The following CNGB1 variants were observed in gnomAD, a reference collection of about 807,000 sequenced individuals.
The protein encoded by CNGB1 is cyclic nucleotide gated channel subunit beta 1.
Under a neutral mutation model 151.7 loss-of-function variants are expected in CNGB1, and 126 were observed. That is an observed-to-expected ratio of 0.83 (90% CI 0.72 to 0.96). The LOEUF (loss-of-function observed/expected upper bound fraction) is 0.96. Among genes scored for constraint, CNGB1 ranks in the 40% least tolerant of loss-of-function variants. The probability of loss-of-function intolerance (pLI) is 0.00; values close to 1 mark genes in which losing one functional copy is unlikely to be tolerated. For missense variants in CNGB1, 1,698 were observed against 1,627.0 expected (o/e 1.04, Z -0.75); for synonymous variants, 623 against 635.1 (o/e 0.98, Z 0.29).
chr16:57,949,598 G>A (rs889378766), intron 13 of CNGB1, among the ~76,000 whole-genome samples, 159 bp from the exon 14 acceptor site: 17 of 152,248 alleles, frequency 1.1e-4, no homozygotes, highest in Non-Finnish European at 2.2e-4. Flanking sequence ...GAGCAACCCT[G>A]AACTCTCTCT....
chr16:57,936,665 G>A (rs1248530152), intron 16 of CNGB1, among the ~76,000 whole-genome samples: 2 of 152,120 alleles, frequency 1.3e-5, no homozygotes, highest in Non-Finnish European at 2.9e-5. Flanking sequence ...GATGGCGTAT[G>A]CCTGTAATCC....
chr16:57,908,228 C>A (rs7198229), intron 25 of CNGB1, among the ~76,000 whole-genome samples: 24,074 of 152,256 alleles, frequency 0.16, 2,055 homozygotes, highest in African/African-American at 0.17. Flanking sequence ...CCCCTCGGGG[C>A]AGGGCTCATG....
At chr16:57,888,698 C>T (rs1960006137) in intron 31 of CNGB1, among the ~76,000 whole-genome samples, 2 of 151,938 alleles carry the variant, frequency 1.3e-5, no homozygotes, top group Admixed American at 1.3e-4. Flanking sequence ...GCGATCTACC[C>T]GCCTTGGCCT....
intron 32 of CNGB1, among the ~76,000 whole-genome samples, chr16:57,884,766 C>T (rs1027721650): frequency 6.6e-6 from 1 of 152,094 alleles, no homozygotes; most frequent in Non-Finnish European, 1.5e-5. Flanking sequence ...GCCCCTCCCC[C>T]GAGCTATTGA....
intron 21 of CNGB1, 44 bp downstream of exon 21, chr16:57,917,224 C>G: frequency 6.5e-7 from 1 of 1,534,196 alleles, no homozygotes; most frequent in Non-Finnish European, 8.9e-7. Flanking sequence ...TCTGGCTGAG[C>G]GGTCTGCCCC....
At chr16:57,885,557 CCT>C (rs1220420237) in intron 32 of CNGB1, among the ~76,000 whole-genome samples, 11 of 97,648 alleles carry the variant, frequency 1.1e-4, no homozygotes, top group South Asian at 4.5e-4. Flanking sequence ...TTCCTTCCTT[CCT>C]CTCTCTCTCT....
chr16:57,940,568 G>A (rs1466655034), intron 14 of CNGB1, among the ~76,000 whole-genome samples: 1 of 152,142 alleles, frequency 6.6e-6, no homozygotes, highest in Non-Finnish European at 1.5e-5. Flanking sequence ...CTTCCTAGAG[G>A]AGGTGGCCTG....
chr16:57,946,981 G>A (rs1961826013), intron 14 of CNGB1, among the ~76,000 whole-genome samples: 1 of 152,270 alleles, frequency 6.6e-6, no homozygotes. Flanking sequence ...GTGCAAGTAT[G>A]TACATGTGTG....
intron 24 of CNGB1, among the ~76,000 whole-genome samples, chr16:57,912,651 G>T (rs186262955): frequency 1.7e-3 from 261 of 151,084 alleles, no homozygotes; most frequent in Non-Finnish European, 3.0e-3. Context: ...TGCATGTGTT[G>T]TGTGTTGTGT....
At chr16:57,966,837 T>C (rs1567401079) in intron 2 of CNGB1, among the ~76,000 whole-genome samples, 1 of 152,202 alleles carries the variant, frequency 6.6e-6, no homozygotes, top group Non-Finnish European at 1.5e-5. Context: ...CCTATAACTG[T>C]TTTCACACTA....
intron 4 of CNGB1, among the ~76,000 whole-genome samples, chr16:57,963,359 A>G (rs1962309999): frequency 6.6e-6 from 1 of 152,196 alleles, no homozygotes; most frequent in Admixed American, 6.5e-5. Context: ...ATGCTTCATG[A>G]GGCCAGGCAG....
chr16:57,907,951 C>T (rs1038747727), intron 25 of CNGB1, among the ~76,000 whole-genome samples: 4 of 152,150 alleles, frequency 2.6e-5, no homozygotes, highest in African/African-American at 4.8e-5. Flanking sequence ...TGGAGTGCAG[C>T]GATCTGGGCT....
At chr16:57,958,970 T>C (rs1326882304) in intron 10 of CNGB1, among the ~76,000 whole-genome samples, 2 of 149,852 alleles carry the variant, frequency 1.3e-5, no homozygotes, top group Non-Finnish European at 3.0e-5. Flanking sequence ...AGTCTTTCTA[T>C]ATTGCCCAGG....
rs7205921 is a variant in CNGB1 at position 57,897,294 on chromosome 16, G to C, written c.3242+103C>G. On this transcript the variant is annotated intron_variant, in intron 31 of 32. Coordinates refer to ENST00000251102, the MANE Select transcript of CNGB1 (RefSeq NM_001297.5). ...TCCAGACTGGGTGACAGAGCAAGAT[G>C]TCATCTCAAAAAAAAAAAAAAAAAG... 1.9e-3 allele frequency: 2,356 copies of C among 1,245,602 alleles called. 34 individuals are homozygous for C. The African/African-American group carries it at 0.035, about 19-fold the overall frequency. The allele number at this position is 1,245,602 out of a possible 1,614,324, so 77.2% of individuals were successfully genotyped here.
intron 12 of CNGB1, among the ~76,000 whole-genome samples, chr16:57,953,326 C>T (rs778953237): frequency 7.9e-5 from 12 of 152,038 alleles, no homozygotes; most frequent in Non-Finnish European, 1.6e-4. Context: ...GAAACCCATT[C>T]TCTACTAAAA....
intron 16 of CNGB1, among the ~76,000 whole-genome samples, chr16:57,932,147 G>C (rs775707804): frequency 1.3e-5 from 2 of 152,132 alleles, no homozygotes; most frequent in Admixed American, 1.3e-4. Context: ...ACACAGCCTG[G>C]AGCCCAGCTC....
chr16:57,954,076 A>T (rs1394737619), intron 12 of CNGB1, among the ~76,000 whole-genome samples: 1 of 151,966 alleles, frequency 6.6e-6, no homozygotes, highest in African/African-American at 2.4e-5. Context: ...CTGCTCAATC[A>T]CCTTCAATGG....
chr16:57,933,694 C>T (rs1961423719), intron 16 of CNGB1, among the ~76,000 whole-genome samples: 1 of 149,942 alleles, frequency 6.7e-6, no homozygotes, highest in Non-Finnish European at 1.5e-5. Context: ...TATATATGTG[C>T]TTTTTGTTTC....
Position 57,919,374 on chromosome 16 carries a change from A to G in CNGB1, c.1802-120T>C, listed in dbSNP as rs1229391047. ...TCTGAGAGGACCCTGGCACCATTATACAAGCTACTGCAAGCTCTGTGTGCA... is the reference window on the plus strand; with the variant it reads ...TCTGAGAGGACCCTGGCACCATTATGCAAGCTACTGCAAGCTCTGTGTGCA... On this transcript the variant is annotated intron_variant, in intron 19 of 32. Coordinates refer to ENST00000251102, the MANE Select transcript of CNGB1 (RefSeq NM_001297.5). The G allele has an allele frequency of 3.8e-6, 6 of 1,573,102 alleles. No homozygotes were observed. In the Admixed American group the frequency reaches 1.1e-4, roughly 28 times the overall value.
Sources: gnomAD v4.1 joint callset for allele counts (sites outside exome capture counted in the v4.1 genomes callset) on GRCh38, gnomAD v4.1.1 for gene constraint, MANE v1.5 for transcripts, NCBI Gene and HGNC (gene_info 2026-07-23, HGNC 2026-07-21) for gene names.